Variants in B3GNT2 observed in about 807,000 individuals in gnomAD.
B3GNT2 encodes the protein UDP-GlcNAc:betaGal beta-1,3-N-acetylglucosaminyltransferase 2, also known as N-acetyllactosaminide beta-1,3-N-acetylglucosaminyltransferase 2.
In B3GNT2, 12 loss-of-function variants were observed where a neutral mutation model predicts 27.6. The ratio of observed to expected loss-of-function variants is 0.44; its 90% confidence interval spans 0.28 to 0.71. B3GNT2 has a LOEUF of 0.71. B3GNT2 is among the 30% of genes least tolerant of loss of function. B3GNT2 has a pLI of 0.17. For synonymous variants in B3GNT2, 192 were observed against 189.7 expected, an observed-to-expected ratio of 1.01 and a Z score of -0.10; for missense variants, 413 against 488.5, an observed-to-expected ratio of 0.85 and a Z score of 1.46.
In B3GNT2 at chr2:62,222,760, C is replaced by T. The variant is rs2104215150; in HGVS notation, c.540C>T (p.Phe180=). The T allele has an allele frequency of 1.9e-6, 3 of 1,614,188 alleles. No homozygotes were observed. Among genetic ancestry groups the T allele is most frequent in the Non-Finnish European group, 2.5e-6 (3 of 1,180,026 alleles). Residue 180 remains phenylalanine (F), a synonymous_variant, in exon 2 of 2, where the codon TTC becomes TTT. Coordinates refer to ENST00000301998, the MANE Select transcript of B3GNT2 (RefSeq NM_006577.6). This position sits in a 1 kb window ranked among gnomAD's most constrained non-coding sequence, Gnocchi z 4.2. ...NAGNQTVVRV[F]LLGQTPPEDN... ...GGAACCAAACGGTGGTGCGAGTCTT[C>T]CTGCTGGGCCAGACACCCCCAGAGG...
chr2:62,220,033 G>A (rs1246473840), intron 1 of B3GNT2, among the ~76,000 whole-genome samples: 1 of 152,210 alleles, frequency 6.6e-6, no homozygotes, highest in Non-Finnish European at 1.5e-5. Context: ...TGTGGCCTCT[G>A]GCCACATGAC....
At chr2:62,201,937 C>T (rs1674273776) in intron 1 of B3GNT2, among the ~76,000 whole-genome samples, 2 of 152,252 alleles carry the variant, frequency 1.3e-5, no homozygotes, top group Non-Finnish European at 1.5e-5. Flanking sequence ...TCTGTCCACA[C>T]TGTGGTCCCT....
At position 62,223,316 on chromosome 2, in the gene B3GNT2, A is replaced by T. The variant is rs142908493; in HGVS notation, c.1096A>T (p.Ile366Phe). ...TATCGAGGAGAAAAACAAAAATAAC[A>T]TCTGCTCCTATGTAGATCTGATGTT... ...FDIEEKNKNN[I>F]CSYVDLMLVH... Residue 366 changes from isoleucine to phenylalanine, a missense_variant, in exon 2 of 2, where the codon ATC (isoleucine) becomes TTC (phenylalanine). Physicochemically the swap from Ile to Phe is conservative, Grantham distance 21. Transcript: ENST00000301998. The T allele has an allele frequency of 6.8e-6, 11 of 1,614,066 alleles. No individual in the cohort carries two copies. Among genetic ancestry groups the T allele is most frequent in the Non-Finnish European group, 9.3e-6 (11 of 1,180,020 alleles).
intron 1 of B3GNT2, among the ~76,000 whole-genome samples, chr2:62,198,207 G>A (rs565344010): frequency 6.6e-6 from 1 of 152,210 alleles, no homozygotes; most frequent in Non-Finnish European, 1.5e-5. Context: ...AAACTGACCA[G>A]TTCTCACCCT....
At chr2:62,200,147 T>G (rs1674239564) in intron 1 of B3GNT2, among the ~76,000 whole-genome samples, 1 of 152,246 alleles carries the variant, frequency 6.6e-6, no homozygotes, top group African/African-American at 2.4e-5. Flanking sequence ...TTTGTCTTTT[T>G]GCCTTGTCTT....
Position 62,222,865 on chromosome 2 carries a change from C to G in B3GNT2, c.645C>G (p.Asp215Glu). ...ACATTCTTATGTGGAACTACAGAGA[C>G]ACTTTCTTCAACTTGTCTCTGAAGG... The part of the protein sequence containing the change: ...HQDILMWNYR[D>E]TFFNLSLKEV... The change falls in exon 2 of 2, where the codon GAC (aspartate) becomes GAG (glutamate). Residue 215 changes from aspartate to glutamate, a missense_variant. Physicochemically the swap from Asp to Glu is conservative, Grantham distance 45. Transcript: ENST00000301998. The surrounding 1 kb of genome is among the most constrained non-coding windows in gnomAD (Gnocchi z 4.2). 6.2e-7 allele frequency: 1 copy of G among 1,614,184 alleles called. No individual in the cohort carries two copies. Among genetic ancestry groups the G allele is most frequent in the Non-Finnish European group, 8.5e-7 (1 of 1,180,030 alleles).
intron 1 of B3GNT2, among the ~76,000 whole-genome samples, chr2:62,214,389 C>G (rs1439878603): frequency 6.6e-6 from 1 of 152,166 alleles, no homozygotes; most frequent in Admixed American, 6.5e-5. Context: ...AAGCACCTGG[C>G]TCCTGGCTGA....
chr2:62,220,423 T>A (rs1674668354), intron 1 of B3GNT2, among the ~76,000 whole-genome samples: 1 of 152,240 alleles, frequency 6.6e-6, no homozygotes, highest in African/African-American at 2.4e-5. Flanking sequence ...TGAATTCCTG[T>A]TGATCTCATC....
chr2:62,218,034 C>T (rs1415944365), intron 1 of B3GNT2, among the ~76,000 whole-genome samples: 2 of 152,188 alleles, frequency 1.3e-5, no homozygotes, highest in East Asian at 1.9e-4. Context: ...TGTTTCACAG[C>T]GAGAGTTTAT....
At chr2:62,220,057 G>A (rs1394574002) in intron 1 of B3GNT2, among the ~76,000 whole-genome samples, 2 of 152,190 alleles carry the variant, frequency 1.3e-5, no homozygotes, top group African/African-American at 4.8e-5. Flanking sequence ...TGAGCAATAC[G>A]GGATTATAAA....
intron 1 of B3GNT2, among the ~76,000 whole-genome samples, chr2:62,204,416 G>A (rs1674329764): frequency 6.6e-6 from 1 of 152,178 alleles, no homozygotes; most frequent in Non-Finnish European, 1.5e-5. Flanking sequence ...AGTTTTATGT[G>A]CATGTGTGTT....
chr2:62,221,887 C>T (rs745640398), intron 1 of B3GNT2: 5 of 538,004 alleles, frequency 9.3e-6, no homozygotes, highest in Non-Finnish European at 1.8e-5. Context: ...TTTCTAGCTT[C>T]AGCATGTCTC....
chr2:62,208,432 G>C (rs1236830909), intron 1 of B3GNT2, among the ~76,000 whole-genome samples: 2 of 152,134 alleles, frequency 1.3e-5, no homozygotes, highest in Non-Finnish European at 2.9e-5. Context: ...CCTGAGGCCT[G>C]TGTTTGTTTA....
chr2:62,196,836 C>T (rs1674153408), intron 1 of B3GNT2, among the ~76,000 whole-genome samples: 1 of 152,000 alleles, frequency 6.6e-6, no homozygotes, highest in African/African-American at 2.4e-5. Context: ...CGTGATTCCT[C>T]GCTCGCACCC....
intron 1 of B3GNT2, among the ~76,000 whole-genome samples, chr2:62,198,235 G>T (rs1287306596): frequency 6.6e-6 from 1 of 152,272 alleles, no homozygotes; most frequent in African/African-American, 2.4e-5. Context: ...CATTAGACTT[G>T]ATTCTGCCAC....
At chr2:62,220,719 G>C (rs1674675095) in intron 1 of B3GNT2, among the ~76,000 whole-genome samples, 1 of 151,582 alleles carries the variant, frequency 6.6e-6, no homozygotes, top group East Asian at 1.9e-4. Context: ...AGTACCTAAG[G>C]ATAAATTCCC....
chr2:62,199,454 T>G (rs949627338), intron 1 of B3GNT2, among the ~76,000 whole-genome samples: 1 of 152,228 alleles, frequency 6.6e-6, no homozygotes, highest in Non-Finnish European at 1.5e-5. Flanking sequence ...AATAACTGCC[T>G]ATGGTTACTT....
At position 62,200,673 on chromosome 2, in the gene B3GNT2, G is replaced by C. The variant is rs1674250476; in HGVS notation, c.-10+4318G>C. 1.3e-5 allele frequency among the ~76,000 whole-genome samples: 2 copies of C among 152,196 alleles called. 1 individual carries two copies. The highest frequency in any genetic ancestry group is 4.1e-4 in the South Asian group (2 of 4,830). On this transcript the variant is annotated intron_variant, in intron 1 of 1. Coordinates refer to ENST00000301998, the MANE Select transcript of B3GNT2 (RefSeq NM_006577.6). Reference sequence around the variant, plus strand: ...AGAAATAAACATTTTCAGTACTGCAGAAGGTTCCTGCGCCCATGTCTTGTC... The same window carrying C: ...AGAAATAAACATTTTCAGTACTGCACAAGGTTCCTGCGCCCATGTCTTGTC...
chr2:62,218,144 C>T (rs879131946), intron 1 of B3GNT2, among the ~76,000 whole-genome samples: 3 of 152,192 alleles, frequency 2.0e-5, no homozygotes, highest in Admixed American at 6.5e-5. Flanking sequence ...TTTCTGTCTG[C>T]GATGGGAATG....
Sources: allele counts gnomAD v4.1 joint callset (sites outside exome capture counted in the v4.1 genomes callset), GRCh38; gene constraint gnomAD v4.1.1; non-coding constraint Gnocchi (gnomAD v3.1); transcripts MANE v1.5; gene names NCBI Gene and HGNC (gene_info 2026-07-23, HGNC 2026-07-21).